The following LEPR variants were observed in gnomAD, a reference collection of about 807,000 sequenced individuals.
LEPR encodes the protein OB receptor.
Under a neutral mutation model 114.7 loss-of-function variants are expected in LEPR, and 56 were observed. That is an observed-to-expected ratio of 0.49 (90% CI 0.39 to 0.61). The LOEUF (loss-of-function observed/expected upper bound fraction) is 0.61, where lower values mean the gene tolerates loss of function less well. Among genes scored for constraint, LEPR ranks in the 20% least tolerant of loss-of-function variants. The pLI is 0.00. For synonymous variants in LEPR, 443 were observed against 461.4 expected (o/e 0.96, Z 0.51); for missense variants, 1,202 against 1,352.9 (o/e 0.89, Z 1.75).
At chr1:65,442,558 A>T (rs1646663081) in intron 2 of LEPR, among the ~76,000 whole-genome samples, 1 of 152,190 alleles carries the variant, frequency 6.6e-6, no homozygotes, top group South Asian at 2.1e-4. Flanking sequence ...TTTATATTTG[A>T]CTCAGAATAA....
At chr1:65,572,943 A>G (rs573218102) in intron 5 of LEPR, among the ~76,000 whole-genome samples, 78 of 152,210 alleles carry the variant, frequency 5.1e-4, no homozygotes, top group Non-Finnish European at 1.0e-3. Flanking sequence ...TCTTGCCTTC[A>G]GGGTCAGCAG....
At chr1:65,624,110 A>G in intron 19 of LEPR, among the ~76,000 whole-genome samples, 1 of 152,120 alleles carries the variant, frequency 6.6e-6, no homozygotes, top group East Asian at 1.9e-4. Flanking sequence ...TTTATGTGCA[A>G]AGCACTGAGA....
intron 19 of LEPR, 95 bp downstream of exon 19, chr1:65,623,076 A>G: frequency 8.3e-7 from 1 of 1,204,328 alleles, no homozygotes; most frequent in Non-Finnish European, 1.2e-6. Context: ...AAGATTTAAA[A>G]GGTCATATTT....
chr1:65,566,932 C>G (rs1349761234), intron 3 of LEPR, among the ~76,000 whole-genome samples: 1 of 152,208 alleles, frequency 6.6e-6, no homozygotes, highest in African/African-American at 2.4e-5. Flanking sequence ...ATAACTCATT[C>G]TCTTTTTATA....
chr1:65,579,642 A>T (rs1239289181), intron 5 of LEPR, among the ~76,000 whole-genome samples: 5 of 152,210 alleles, frequency 3.3e-5, no homozygotes, highest in Admixed American at 6.5e-5. Context: ...GGATGTGATT[A>T]AAAATTCTCA....
intron 2 of LEPR, among the ~76,000 whole-genome samples, chr1:65,516,210 G>A (rs972861681): frequency 9.9e-5 from 15 of 151,980 alleles, no homozygotes; most frequent in South Asian, 2.1e-4. Context: ...TGAGGCAGGC[G>A]GATCACAAGG....
chr1:65,526,139 T>C, intron 2 of LEPR: 8 of 957,468 alleles, frequency 8.4e-6, no homozygotes, highest in Non-Finnish European at 9.7e-6. Context: ...GCCAACTTCT[T>C]TTCCAGGCTT....
At chr1:65,515,948 A>G (rs969157023) in intron 2 of LEPR, among the ~76,000 whole-genome samples, 5 of 152,210 alleles carry the variant, frequency 3.3e-5, no homozygotes, top group African/African-American at 7.2e-5. Flanking sequence ...TGAAACTCAG[A>G]TTCTCCTGAT....
intron 2 of LEPR, among the ~76,000 whole-genome samples, chr1:65,477,531 G>A (rs1647172950): frequency 6.6e-6 from 1 of 152,192 alleles, no homozygotes; most frequent in Non-Finnish European, 1.5e-5. Flanking sequence ...TATTTTTAAT[G>A]GGTGGGACCT....
intron 4 of LEPR, among the ~76,000 whole-genome samples, chr1:65,571,203 T>G (rs1406669685): frequency 2.6e-5 from 4 of 151,950 alleles, no homozygotes; most frequent in Admixed American, 2.6e-4. Context: ...TAAAGATGGG[T>G]TTTTCAGAAA....
At chr1:65,618,439 C>T (rs555004511) in intron 16 of LEPR, among the ~76,000 whole-genome samples, 13 of 152,208 alleles carry the variant, frequency 8.5e-5, no homozygotes, top group African/African-American at 2.9e-4. Flanking sequence ...TATCTTTCCA[C>T]CTCAGCTTCC....
rs185401929 is a variant in LEPR at position 65,544,656 on chromosome 1, G to A, written c.-20-20890G>A. Among the ~76,000 whole-genome samples, 62 of 150,676 alleles carry A rather than the reference G, an allele frequency of 4.1e-4. 1 individual carries two copies. The highest frequency in any genetic ancestry group is 1.5e-3 in the African/African-American group (60 of 40,914). On this transcript the variant is annotated intron_variant, in intron 2 of 19. Transcript: ENST00000349533. ...AGCGTTTTTAGCATGAAGCAGTGTT[G>A]AATATTATCGAAGGCCTTTTCTGCA...
At chr1:65,458,983 A>G (rs1272968912) in intron 2 of LEPR, among the ~76,000 whole-genome samples, 3 of 152,196 alleles carry the variant, frequency 2.0e-5, no homozygotes, top group African/African-American at 7.2e-5. Context: ...AGTCCATCAA[A>G]GGCACTCTTC....
chr1:65,431,806 A>T, intron 2 of LEPR: 1 of 1,612,508 alleles, frequency 6.2e-7, no homozygotes, highest in Non-Finnish European at 8.5e-7. Flanking sequence ...CTTTCAGATC[A>T]AATGGGGAGC....
intron 5 of LEPR, chr1:65,576,514 G>T: frequency 1.3e-5 from 2 of 154,258 alleles, no homozygotes; most frequent in South Asian, 3.7e-4. Flanking sequence ...AAGGACTTTG[G>T]GGCATTTTGG....
chr1:65,441,324 A>G (rs1465924436), intron 2 of LEPR, among the ~76,000 whole-genome samples: 1 of 152,154 alleles, frequency 6.6e-6, no homozygotes, highest in East Asian at 1.9e-4. Context: ...ATGGGGGACA[A>G]GGGAGAGAGT....
At chr1:65,532,368 G>C (rs559521777) in intron 2 of LEPR, among the ~76,000 whole-genome samples, 1 of 152,086 alleles carries the variant, frequency 6.6e-6, no homozygotes, top group African/African-American at 2.4e-5. Context: ...ATGGATACTC[G>C]TGAGCCATCT....
chr1:65,629,283 C>T (rs1188730532), intron 19 of LEPR: 1 of 409,824 alleles, frequency 2.4e-6, no homozygotes, highest in East Asian at 8.4e-5. Context: ...CCCTCCATTT[C>T]TCCCTCTACT....
intron 5 of LEPR, chr1:65,576,964 C>T (rs745820225): frequency 1.9e-4 from 62 of 331,948 alleles, no homozygotes; most frequent in Non-Finnish European, 3.6e-4. Flanking sequence ...AACAATCCTC[C>T]AGCCATTATC....
Sources: allele counts gnomAD v4.1 joint callset (sites outside exome capture counted in the v4.1 genomes callset), GRCh38; gene constraint gnomAD v4.1.1; transcripts MANE v1.5; gene names NCBI Gene and HGNC (gene_info 2026-07-23, HGNC 2026-07-21).